NBPF14: variants seen among roughly 807,000 people sequenced by gnomAD.
NBPF14 encodes NBPF family member NBPF14.
In NBPF14, 104 loss-of-function variants were observed where a neutral mutation model predicts 91.2. The ratio of observed to expected loss-of-function variants is 1.14; its 90% CI spans 0.97 to 1.34. NBPF14 has a LOEUF of 1.34. Among genes scored for constraint, NBPF14 ranks in the 40% most tolerant of loss-of-function variants. NBPF14 has a pLI of 0.00. For missense variants in NBPF14, 908 were observed against 783.0 expected, an observed-to-expected ratio of 1.16 and a Z score of -1.91; for synonymous variants, 294 against 303.8, an observed-to-expected ratio of 0.97 and a Z score of 0.34.
At chr1:148,539,374 G>A (rs2149482438) in intron 63 of NBPF14, 36 bp downstream of exon 63, 1 of 473,696 alleles carries the variant, frequency 2.1e-6, no homozygotes, top group East Asian at 4.2e-5. Context: ...TGGAAGACCA[G>A]GTGGAGGCTT....
chr1:148,584,213 C>G (rs1328060225), intron 11 of NBPF14, among the ~76,000 whole-genome samples: 6,098 of 138,790 alleles, frequency 0.044, no homozygotes, highest in Middle Eastern at 0.17. Flanking sequence ...GGAGGCCTGA[C>G]AGATACTGCC....
intron 28 of NBPF14, among the ~76,000 whole-genome samples, chr1:148,566,622 G>A (rs1425005651): frequency 2.8e-5 from 4 of 140,850 alleles, no homozygotes; most frequent in African/African-American, 7.7e-5. Context: ...GACACTCTGA[G>A]TTAGTGCCCT....
Position 148,560,578 on chromosome 1 carries a change from AG to A in NBPF14, c.4556+5del. Reference sequence around the variant, plus strand: ...GAATTAAGCATCCACAATTGCTGAAAGTCACCTGGGGCATGGTGGGTTTTGA... The same window carrying A: ...GAATTAAGCATCCACAATTGCTGAAATCACCTGGGGCATGGTGGGTTTTGA... On this transcript the variant is annotated splice_donor_5th_base_variant and intron_variant, in intron 36 of 70. Transcript: ENST00000619423. 5.7e-6 allele frequency: 1 copy of A among 174,570 alleles called. No individual in the cohort carries two copies. The highest frequency in any genetic ancestry group is 4.5e-5 in the South Asian group (1 of 22,428). The allele number at this position is 174,570 out of a possible 1,614,324, so 10.8% of individuals were successfully genotyped here. A position where few individuals can be genotyped will look rare whatever the true frequency, so the allele number is the denominator to read the frequency against.
chr1:148,587,233 C>T (rs1661696219), intron 8 of NBPF14, 68 bp downstream of exon 8: 1 of 1,356,332 alleles, frequency 7.4e-7, no homozygotes, highest in Middle Eastern at 2.7e-4. Flanking sequence ...TACGTCTCCC[C>T]ACTGAGCTGC....
Position 148,533,100 on chromosome 1 carries a change from T to A in NBPF14, c.8872A>T (p.Ile2958Phe). Residue 2958 changes from isoleucine to phenylalanine, a missense_variant, in exon 71 of 71, where the codon ATC becomes TTC. By Grantham distance (21) the Ile-to-Phe change is conservative. Around this residue, in one of 13 missense-constraint regions of NBPF14, gnomAD observed 18 missense variants for 36.2 expected, o/e 0.50. Coordinates refer to ENST00000619423, the Ensembl canonical transcript of NBPF14. ...TTGTCCACGTAAAGGGCGAAGCTGA[T>A]GTGCTGTTCCTCAAATGAGTAAAAC... 5 of 902,328 alleles carry A rather than the reference T, an allele frequency of 5.5e-6. No homozygotes were observed. In the South Asian group the frequency reaches 8.9e-5, roughly 16 times the overall value. The allele number at this position is 902,328 out of a possible 1,614,324, so 55.9% of individuals were successfully genotyped here. A position where few individuals can be genotyped will look rare whatever the true frequency, so the allele number is the denominator to read the frequency against.
chr1:148,534,471 G>A (rs1254407308), intron 69 of NBPF14, among the ~76,000 whole-genome samples: 2 of 151,730 alleles, frequency 1.3e-5, no homozygotes, highest in African/African-American at 4.9e-5. Flanking sequence ...CCACAGGTAT[G>A]GCCTGAGACT....
At chr1:148,561,776 GACACAC>G (rs1179446616) in intron 34 of NBPF14, among the ~76,000 whole-genome samples, 197 bp from the exon 35 acceptor site, 3 of 114,340 alleles carry the variant, frequency 2.6e-5, no homozygotes, top group Admixed American at 1.6e-4. Flanking sequence ...AAGACAGATA[GACACAC>G]ACACACACAC....
chr1:148,559,376 G>A (rs1367416351), intron 37 of NBPF14, among the ~76,000 whole-genome samples: 4 of 132,406 alleles, frequency 3.0e-5, no homozygotes, highest in Non-Finnish European at 6.0e-5. Context: ...GCCCCCAAAT[G>A]GTTGCTAGGA....
chr1:148,533,809 T>C (rs1233334386), intron 70 of NBPF14, 52 bp downstream of exon 70: 4 of 767,106 alleles, frequency 5.2e-6, no homozygotes, highest in African/African-American at 5.1e-5. Flanking sequence ...CCTGAATCTG[T>C]TGCCTCCAGG....
rs1270843873 is a variant in NBPF14, at chr1:148,559,863, T to A, written c.4659A>T (p.Ser1553=). The change falls in exon 37 of 71, where the codon TCA becomes TCT. Residue 1553 remains serine, a synonymous_variant. Transcript: ENST00000619423. ...AAAAGGCACTTCTATAGGGCTGGCATGAGTCAGTCAGTTCAAGACAACCTG... is the reference window on the plus strand; with the variant it reads ...AAAAGGCACTTCTATAGGGCTGGCAAGAGTCAGTCAGTTCAAGACAACCTG... 22 of 1,492,514 alleles carry A rather than the reference T, an allele frequency of 1.5e-5. 7 individuals are homozygous for A. In the African/African-American group the frequency reaches 3.9e-4, roughly 27 times the overall value. 92.5% of individuals were successfully genotyped at this position (1,492,514 alleles called of 1,614,324 possible). A position where few individuals can be genotyped will look rare whatever the true frequency, so the allele number is the denominator to read the frequency against.
chr1:148,553,560 C>T, exon 45 of NBPF14: 1 of 13,820 alleles, frequency 7.2e-5, no homozygotes, highest in Non-Finnish European at 1.1e-4. Context: ...AAGAGCCAAG[C>T]CAAGGTACTG....
chr1:148,559,917 G>A (rs1452829355), exon 37 of NBPF14: 27 of 1,324,776 alleles, frequency 2.0e-5, no homozygotes, highest in Non-Finnish European at 2.6e-5. Context: ...TATCCAGTGA[G>A]TCCTGCAAGA....
chr1:148,559,944 A>G (rs1334250626), exon 37 of NBPF14: 5 of 1,385,172 alleles, frequency 3.6e-6, no homozygotes, highest in Middle Eastern at 2.5e-4. Flanking sequence ...GCCCTTTCTC[A>G]TGCAGCAGCT....
chr1:148,580,859 T>C (rs1472484129), intron 12 of NBPF14, among the ~76,000 whole-genome samples: 1 of 115,704 alleles, frequency 8.6e-6, no homozygotes, highest in Non-Finnish European at 1.8e-5. Flanking sequence ...TGTATATATA[T>C]ATATTTTTTT....
intron 8 of NBPF14, among the ~76,000 whole-genome samples, chr1:148,586,804 A>G (rs1661601515): frequency 7.1e-6 from 1 of 139,924 alleles, no homozygotes; most frequent in East Asian, 2.0e-4. Context: ...AAATACACAT[A>G]GTGCATCTTG....
chr1:148,577,124 A>G (rs1659983092), intron 15 of NBPF14, 59 bp downstream of exon 15: 13 of 612,110 alleles, frequency 2.1e-5, no homozygotes, highest in East Asian at 5.5e-5. Context: ...TGCAGTAGGA[A>G]TATGACCCTA....
chr1:148,534,413 T>A lies in NBPF14; in HGVS notation c.8614+271A>T, dbSNP rs1177930495. On this transcript the variant is annotated intron_variant, in intron 69 of 70. Transcript: ENST00000619423. ...TGAGTCAAAATCACAGTTCTCTGAATTTGTCACATCTGCCCAGGTCCAATG... is the reference window on the plus strand; with the variant it reads ...TGAGTCAAAATCACAGTTCTCTGAAATTGTCACATCTGCCCAGGTCCAATG... 1.0e-3 allele frequency among the ~76,000 whole-genome samples: 158 copies of A among 151,858 alleles called. 1 individual carries two copies. The highest frequency in any genetic ancestry group is 3.4e-3 in the African/African-American group (142 of 41,372).
chr1:148,566,021 C>T (rs1658195957), intron 29 of NBPF14, 122 bp downstream of exon 29: 3 of 238,976 alleles, frequency 1.3e-5, no homozygotes, highest in South Asian at 7.6e-5. Flanking sequence ...CCTACATGTG[C>T]CTATAGGTCC....
At chr1:148,579,746 C>T (rs1280789832) in intron 12 of NBPF14, among the ~76,000 whole-genome samples, 4 of 152,096 alleles carry the variant, frequency 2.6e-5, no homozygotes, top group Admixed American at 6.5e-5. Context: ...CATATATACA[C>T]CTCTCCCTGG....
Sources: allele counts gnomAD v4.1 joint callset (sites outside exome capture counted in the v4.1 genomes callset), GRCh38; gene constraint gnomAD v4.1.1; regional missense constraint gnomAD v4.1.1; transcripts MANE v1.5; gene names NCBI Gene and HGNC (gene_info 2026-07-23, HGNC 2026-07-21).